MSRA: variants seen among roughly 807,000 people sequenced by gnomAD.
The protein encoded by MSRA is mitochondrial peptide methionine sulfoxide reductase.
Under a neutral mutation model 31.3 loss-of-function variants are expected in MSRA, and 54 were observed. That is an observed-to-expected ratio of 1.73 (90% CI 1.39 to 2.17). The LOEUF (loss-of-function observed/expected upper bound fraction) is 2.17. MSRA is among the 30% of genes most tolerant of loss of function. MSRA has a pLI of 0.00. For missense variants in MSRA, 507 were observed against 300.9 expected, an observed-to-expected ratio of 1.69 and a Z score of -5.07; for synonymous variants, 169 against 116.5, an observed-to-expected ratio of 1.45 and a Z score of -2.90.
At position 10,234,665 on chromosome 8, in the gene MSRA, C is replaced by G. The variant is rs182926797; in HGVS notation, c.212-10439C>G. Among the ~76,000 whole-genome samples, 3 of 151,814 alleles carry G rather than the reference C, an allele frequency of 2.0e-5. No homozygotes were observed. In the East Asian group the frequency reaches 5.8e-4, roughly 29 times the overall value. ...AGAGATTATCAAATTGGCTAAGAAC[C>G]AAAATCCTGTTATATGCTGCTTACA... On this transcript the variant is annotated intron_variant, in intron 2 of 5. Coordinates refer to ENST00000317173, the MANE Select transcript of MSRA (RefSeq NM_012331.5).
chr8:10,057,950 G>T (rs750059869), intron 1 of MSRA, among the ~76,000 whole-genome samples: 3 of 152,168 alleles, frequency 2.0e-5, no homozygotes. Flanking sequence ...TTGTTTTTGC[G>T]TATTGGAAAC....
intron 1 of MSRA, among the ~76,000 whole-genome samples, chr8:10,151,105 A>C (rs553802596): frequency 6.6e-6 from 1 of 151,548 alleles, no homozygotes; most frequent in East Asian, 2.0e-4. Context: ...TAGGGGAGGG[A>C]GGATCCATGC....
rs537736736 is a variant in MSRA, at chr8:10,116,827, C to T, written c.142+62169C>T. Among the ~76,000 whole-genome samples the T allele has an allele frequency of 1.7e-4, 26 of 152,184 alleles. No individual in the cohort carries two copies. The South Asian group carries it at 4.4e-3, about 26-fold the overall frequency. ...TACTAAAAATACAAAAGTAGTCGGGCGTGGTGGCAGATGCCTGTAATCCCA... is the reference window on the plus strand; with the variant it reads ...TACTAAAAATACAAAAGTAGTCGGGTGTGGTGGCAGATGCCTGTAATCCCA... On this transcript the variant is annotated intron_variant, in intron 1 of 5. Transcript: ENST00000317173.
chr8:10,203,794 T>G (rs1808712276), intron 1 of MSRA, among the ~76,000 whole-genome samples: 1 of 152,168 alleles, frequency 6.6e-6, no homozygotes, highest in Non-Finnish European at 1.5e-5. Context: ...GAAGGAGACA[T>G]TGTTACCATA....
intron 1 of MSRA, among the ~76,000 whole-genome samples, chr8:10,073,923 G>A (rs551286109): frequency 6.6e-6 from 1 of 151,790 alleles, no homozygotes; most frequent in East Asian, 1.9e-4. Flanking sequence ...AGTTTGTATT[G>A]CTGTGTTTCC....
intron 1 of MSRA, among the ~76,000 whole-genome samples, chr8:10,190,912 G>A (rs905748474): frequency 6.6e-6 from 1 of 151,912 alleles, no homozygotes; most frequent in African/African-American, 2.4e-5. Flanking sequence ...AGGGAGACCA[G>A]AGTGTAGTGA....
chr8:10,305,781 A>G (rs1454933711), intron 4 of MSRA, among the ~76,000 whole-genome samples: 1 of 152,084 alleles, frequency 6.6e-6, no homozygotes, highest in Admixed American at 6.5e-5. Context: ...AGGCTTTTTA[A>G]GGTATAGGTG....
At chr8:10,130,998 A>T (rs1801855223) in intron 1 of MSRA, among the ~76,000 whole-genome samples, 1 of 152,228 alleles carries the variant, frequency 6.6e-6, no homozygotes, top group Admixed American at 6.5e-5. Context: ...AGAGATGTTA[A>T]TGGTCTGTGG....
At chr8:10,286,977 A>G (rs533704006) in intron 3 of MSRA, among the ~76,000 whole-genome samples, 2 of 152,364 alleles carry the variant, frequency 1.3e-5, no homozygotes, top group Admixed American at 6.5e-5. Flanking sequence ...AGAGAGGTTA[A>G]GCGATTCGTC....
intron 5 of MSRA, among the ~76,000 whole-genome samples, chr8:10,327,933 A>C (rs1263282520): frequency 6.6e-6 from 1 of 151,894 alleles, no homozygotes; most frequent in African/African-American, 2.4e-5. Context: ...AACTAGAACA[A>C]CAACAACAAC....
chr8:10,259,372 A>G (rs1798349740), intron 3 of MSRA, among the ~76,000 whole-genome samples: 1 of 152,186 alleles, frequency 6.6e-6, no homozygotes, highest in Non-Finnish European at 1.5e-5. Flanking sequence ...AACAGAATGC[A>G]GTTACAAGAA....
chr8:10,292,530 TCCA>T (rs1196080840), intron 3 of MSRA, among the ~76,000 whole-genome samples: 1 of 152,206 alleles, frequency 6.6e-6, no homozygotes, highest in African/African-American at 2.4e-5. Flanking sequence ...GCCTGCTCCC[TCCA>T]CCGTCGGTCC....
intron 5 of MSRA, among the ~76,000 whole-genome samples, chr8:10,414,920 A>T (rs1808365655): frequency 6.6e-6 from 1 of 152,222 alleles, no homozygotes; most frequent in Non-Finnish European, 1.5e-5. Flanking sequence ...AAAGAGAAGG[A>T]GAAGATCCAT....
At chr8:10,205,014 C>T (rs1808830445) in intron 1 of MSRA, among the ~76,000 whole-genome samples, 1 of 152,110 alleles carries the variant, frequency 6.6e-6, no homozygotes, top group Admixed American at 6.5e-5. Flanking sequence ...ATCAGGGTGG[C>T]TGTGGTGGAT....
At chr8:10,066,026 T>C (rs1232288117) in intron 1 of MSRA, among the ~76,000 whole-genome samples, 1 of 149,954 alleles carries the variant, frequency 6.7e-6, no homozygotes, top group East Asian at 1.9e-4. Flanking sequence ...TATAATAATA[T>C]ATAATAACTT....
chr8:10,153,300 G>C (rs1290682444), intron 1 of MSRA, among the ~76,000 whole-genome samples: 2 of 152,132 alleles, frequency 1.3e-5, no homozygotes, highest in African/African-American at 4.8e-5. Context: ...TAAGGAACCT[G>C]TCTTTCTTCC....
chr8:10,116,180 C>A (rs1282692880), intron 1 of MSRA, among the ~76,000 whole-genome samples: 1 of 152,226 alleles, frequency 6.6e-6, no homozygotes, highest in Non-Finnish European at 1.5e-5. Flanking sequence ...GCTTGTCCAA[C>A]CCGTGGGCCA....
intron 5 of MSRA, among the ~76,000 whole-genome samples, chr8:10,323,770 G>GTGTGTGTGTGTC (rs1390517566): frequency 8.6e-5 from 13 of 151,680 alleles, no homozygotes; most frequent in African/African-American, 2.9e-4. Flanking sequence ...GTGTGTGTGT[G>GTGTGTGTGTGTC]TGTGTCTGTG....
At chr8:10,232,024 C>A (rs986961626) in intron 2 of MSRA, among the ~76,000 whole-genome samples, 1 of 152,194 alleles carries the variant, frequency 6.6e-6, no homozygotes. Context: ...GCAGCTGTGA[C>A]GGCACTGGGG....
Sources: gnomAD v4.1 joint callset for allele counts (sites outside exome capture counted in the v4.1 genomes callset) on GRCh38, gnomAD v4.1.1 for gene constraint, MANE v1.5 for transcripts, NCBI Gene and HGNC (gene_info 2026-07-23, HGNC 2026-07-21) for gene names.